The following XPO1 variants were observed in gnomAD, a reference collection of about 807,000 sequenced individuals.
XPO1 encodes exportin 1.
XPO1 carries 5 observed loss-of-function variants against 133.3 expected under a neutral mutation model. That is an observed-to-expected ratio of 0.04 (90% CI 0.02 to 0.08). The LOEUF is 0.08. Ranked by LOEUF, XPO1 falls within the 10% of genes least tolerant of loss-of-function variation. The pLI is 1.00. For synonymous variants in XPO1, 419 were observed against 408.2 expected (o/e 1.03, Z -0.32); for missense variants, 506 against 1,267.5 (o/e 0.40, Z 9.12).
chr2:61,512,121 G>A (rs550396556), intron 4 of XPO1, among the ~76,000 whole-genome samples: 1 of 152,158 alleles, frequency 6.6e-6, no homozygotes, highest in African/African-American at 2.4e-5. Flanking sequence ...GACAAAAAAC[G>A]ATTTGGAATG....
intron 4 of XPO1, among the ~76,000 whole-genome samples, chr2:61,505,315 A>G (rs570764115): frequency 6.6e-6 from 1 of 152,330 alleles, no homozygotes; most frequent in East Asian, 1.9e-4. Context: ...TAAAAACAAA[A>G]AGTAGGAAAT....
intron 4 of XPO1, among the ~76,000 whole-genome samples, chr2:61,504,685 C>T (rs1011300214): frequency 6.6e-6 from 1 of 152,192 alleles, no homozygotes; most frequent in Non-Finnish European, 1.5e-5. Context: ...TAGCAGGAAA[C>T]TGACAACCTG....
chr2:61,484,264 T>C, intron 20 of XPO1, 159 bp from the exon 21 acceptor site: 1 of 589,632 alleles, frequency 1.7e-6, no homozygotes, highest in Non-Finnish European at 2.9e-6. Context: ...TAAAATACAA[T>C]CCACCTCTCA....
chr2:61,503,429 ATTTT>A (rs879493202), intron 4 of XPO1, among the ~76,000 whole-genome samples: 1 of 131,250 alleles, frequency 7.6e-6, no homozygotes, highest in Non-Finnish European at 1.6e-5. Context: ...TCCAGCTACT[ATTTT>A]TTTTTTTTTG....
At chr2:61,521,311 A>G (rs763637015) in intron 4 of XPO1, among the ~76,000 whole-genome samples, 16 of 152,344 alleles carry the variant, frequency 1.1e-4, no homozygotes, top group Non-Finnish European at 8.8e-5. Context: ...CATAATGATG[A>G]TAAGAGAATG....
chr2:61,498,559 C>G, intron 9 of XPO1, 114 bp downstream of exon 9: 1 of 1,371,330 alleles, frequency 7.3e-7, no homozygotes, highest in South Asian at 1.5e-5. Context: ...GAGCAGCGTC[C>G]TCGTGTTAGA....
At chr2:61,501,178 T>C (rs1194856773) in intron 6 of XPO1, among the ~76,000 whole-genome samples, 1 of 152,168 alleles carries the variant, frequency 6.6e-6, no homozygotes, top group Non-Finnish European at 1.5e-5. Context: ...TACACTAAAA[T>C]TTTTGGAAGC....
At chr2:61,533,198 G>A (rs1699234076) in intron 2 of XPO1, among the ~76,000 whole-genome samples, 1 of 152,050 alleles carries the variant, frequency 6.6e-6, no homozygotes, top group African/African-American at 2.4e-5. Flanking sequence ...TGGCCCCACA[G>A]GTAAAAAATC....
intron 2 of XPO1, 58 bp downstream of exon 2, chr2:61,533,714 A>G: frequency 1.4e-6 from 2 of 1,383,632 alleles, no homozygotes; most frequent in Non-Finnish European, 1.9e-6. Flanking sequence ...TTTTATTCTA[A>G]ACCCAACAAC....
At chr2:61,523,174 A>G (rs1219361807) in intron 3 of XPO1, among the ~76,000 whole-genome samples, 1 of 152,226 alleles carries the variant, frequency 6.6e-6, no homozygotes, top group African/African-American at 2.4e-5. Flanking sequence ...AAGTGTTTAC[A>G]AGCATCACTG....
At chr2:61,518,709 T>C (rs1220403899) in intron 4 of XPO1, among the ~76,000 whole-genome samples, 1 of 151,116 alleles carries the variant, frequency 6.6e-6, no homozygotes, top group East Asian at 1.9e-4. Flanking sequence ...GTTTGAAGGA[T>C]GGGGAATAAA....
At chr2:61,488,864 G>C in intron 17 of XPO1, 93 bp from the exon 18 acceptor site, 7 of 1,348,856 alleles carry the variant, frequency 5.2e-6, no homozygotes, top group Non-Finnish European at 7.2e-6. Flanking sequence ...CACTCTGAGA[G>C]GCCGAGGCGG....
chr2:61,482,029 G>A (rs981414800), intron 23 of XPO1, among the ~76,000 whole-genome samples: 6 of 93,710 alleles, frequency 6.4e-5, no homozygotes, highest in Non-Finnish European at 1.5e-4. Context: ...GCCACCGTGC[G>A]TGGCCTTTTT....
intron 9 of XPO1, 90 bp downstream of exon 9, chr2:61,498,582 TA>T: frequency 6.7e-7 from 1 of 1,496,838 alleles, no homozygotes; most frequent in Non-Finnish European, 9.0e-7. Context: ...CAAGGTTGAA[TA>T]AGGTTTAGAA....
In XPO1 at chr2:61,495,633, C is replaced by A; in HGVS notation, c.889-20G>T. 1 of 1,534,030 alleles carries A rather than the reference C, an allele frequency of 6.5e-7. No homozygotes were observed. Among genetic ancestry groups the A allele is most frequent in the East Asian group, 2.3e-5 (1 of 43,462 alleles). On this transcript the variant is annotated intron_variant, in intron 10 of 24. Coordinates refer to ENST00000401558, the MANE Select transcript of XPO1 (RefSeq NM_003400.4). ...AAGCATCTGCAAATTTTAAAAGGGA[C>A]GATCAGTTCGCATTTTATAAAACAA...
chr2:61,526,069 T>A, intron 3 of XPO1: 1 of 1,092,296 alleles, frequency 9.2e-7, no homozygotes, highest in Non-Finnish European at 1.1e-6. Flanking sequence ...GTGCCTGGCC[T>A]GTATTATATT....
chr2:61,488,180 G>C lies in XPO1; in HGVS notation c.2298C>G (p.Ser766=), dbSNP rs530840164. The part of the protein sequence containing the change: ...LKLISGWVSR[S]NDPQMVAENF... ...TCTCACTTACCATCTGTGGATCATTGGATCGGCTCACCCAACCAGATATTA... is the reference window on the plus strand; with the variant it reads ...TCTCACTTACCATCTGTGGATCATTCGATCGGCTCACCCAACCAGATATTA... The change falls in exon 19 of 25, where the codon TCC becomes TCG. Residue 766 remains serine, a synonymous_variant. Coordinates refer to ENST00000401558, the MANE Select transcript of XPO1 (RefSeq NM_003400.4). 1.9e-6 allele frequency: 3 copies of C among 1,613,778 alleles called. No individual in the cohort carries two copies. The South Asian group carries it at 3.3e-5, about 18-fold the overall frequency.
chr2:61,495,005 C>A lies in XPO1; in HGVS notation c.1047+450G>T, dbSNP rs555018546. On this transcript the variant is annotated intron_variant, in intron 11 of 24. Transcript: ENST00000401558. ...TACAGTCATGTGACACCACGCACAG[C>A]TAATTTTTTTGTATTTTTAATAGAG... is the stretch of plus-strand genomic sequence containing the variant. 3.3e-5 allele frequency among the ~76,000 whole-genome samples: 5 copies of A among 151,854 alleles called. 1 individual carries two copies. The South Asian group carries it at 1.0e-3, about 32-fold the overall frequency.
At chr2:61,503,127 T>C (rs1450414478) in intron 4 of XPO1, among the ~76,000 whole-genome samples, 1 of 151,990 alleles carries the variant, frequency 6.6e-6, no homozygotes, top group African/African-American at 2.4e-5. Flanking sequence ...GGCTAATTTT[T>C]GTATTTTCAA....
Sources: gnomAD v4.1 joint callset for allele counts (sites outside exome capture counted in the v4.1 genomes callset) on GRCh38, gnomAD v4.1.1 for gene constraint, MANE v1.5 for transcripts, NCBI Gene and HGNC (gene_info 2026-07-23, HGNC 2026-07-21) for gene names.